The following RHBDD1 variants were observed in gnomAD, a reference collection of about 807,000 sequenced individuals.
RHBDD1 encodes the protein rhomboid domain containing 1.
Under a neutral mutation model 36.3 loss-of-function variants are expected in RHBDD1, and 38 were observed. That is an observed-to-expected ratio of 1.05 (90% confidence interval 0.81 to 1.37). RHBDD1 has a LOEUF of 1.37. Among genes scored for constraint, RHBDD1 ranks in the 40% most tolerant of loss-of-function variants. The probability of loss-of-function intolerance (pLI) is 0.00; values close to 1 mark genes in which losing one functional copy is unlikely to be tolerated. For synonymous variants in RHBDD1, 151 were observed against 136.5 expected (o/e 1.11, Z -0.74); for missense variants, 393 against 377.6 (o/e 1.04, Z -0.34).
intron 8 of RHBDD1, among the ~76,000 whole-genome samples, chr2:226,982,781 A>AG (rs1956068643): frequency 6.6e-6 from 1 of 152,196 alleles, no homozygotes; most frequent in Non-Finnish European, 1.5e-5. Context: ...TCAAGCATTT[A>AG]TGATGCACCC....
chr2:226,859,055 A>G (rs1267181230), intron 3 of RHBDD1, among the ~76,000 whole-genome samples: 1 of 152,246 alleles, frequency 6.6e-6, no homozygotes, highest in African/African-American at 2.4e-5. Flanking sequence ...AAGTTGTTAC[A>G]ATTTCAGGAA....
At chr2:226,978,114 A>T (rs571900717) in intron 8 of RHBDD1, among the ~76,000 whole-genome samples, 1 of 152,314 alleles carries the variant, frequency 6.6e-6, no homozygotes, top group East Asian at 1.9e-4. Context: ...AAACAGGTCT[A>T]GGCCTTTTGC....
At chr2:226,818,881 T>A in the RHBDD1 span, among the ~76,000 whole-genome samples, 1 of 151,950 alleles carries the variant, frequency 6.6e-6, no homozygotes, top group African/African-American at 2.4e-5. Flanking sequence ...AAAAAACAGA[T>A]GACCTGAGAG....
intron 8 of RHBDD1, among the ~76,000 whole-genome samples, chr2:226,982,097 T>A (rs2149445912): frequency 6.6e-6 from 1 of 152,368 alleles, no homozygotes; most frequent in East Asian, 1.9e-4. Flanking sequence ...TTTTCTTTTC[T>A]TGCCCAGCAA....
chr2:226,937,667 C>T (rs1476962185), intron 8 of RHBDD1, among the ~76,000 whole-genome samples: 1 of 152,160 alleles, frequency 6.6e-6, no homozygotes, highest in African/African-American at 2.4e-5. Flanking sequence ...TCATTTATCT[C>T]TCACTTATAA....
intron 7 of RHBDD1, among the ~76,000 whole-genome samples, chr2:226,913,723 C>T (rs1404643344): frequency 2.0e-5 from 3 of 152,094 alleles, no homozygotes; most frequent in African/African-American, 7.2e-5. Flanking sequence ...GAGAAATTGG[C>T]TGCATCTTAA....
At chr2:226,983,633 A>G (rs1435228449) in intron 8 of RHBDD1, among the ~76,000 whole-genome samples, 1 of 150,264 alleles carries the variant, frequency 6.7e-6, no homozygotes, top group Admixed American at 6.6e-5. Flanking sequence ...TTTTTTCCTT[A>G]TTCCTTGAAT....
At chr2:226,895,817 T>G in intron 5 of RHBDD1, 1 of 985,316 alleles carries the variant, frequency 1.0e-6, no homozygotes, top group Non-Finnish European at 1.2e-6. Flanking sequence ...ACAGCAAAAC[T>G]ATTTAGGCTT....
intron 8 of RHBDD1, among the ~76,000 whole-genome samples, chr2:226,925,767 A>G (rs985337369): frequency 6.6e-6 from 1 of 152,204 alleles, no homozygotes; most frequent in African/African-American, 2.4e-5. Context: ...CATTCATTCA[A>G]AATAAAATTC....
chr2:226,841,908 C>T (rs1941677094), intron 3 of RHBDD1, among the ~76,000 whole-genome samples: 1 of 152,164 alleles, frequency 6.6e-6, no homozygotes, highest in African/African-American at 2.4e-5. Flanking sequence ...CTTATACTTC[C>T]ACCAACAGTG....
At chr2:226,804,225 G>GA in the RHBDD1 span, 1 of 152,018 alleles carries the variant, frequency 6.6e-6, no homozygotes, top group Non-Finnish European at 1.5e-5. Flanking sequence ...AGGTGTGATT[G>GA]AAAATGGAGA....
At chr2:226,929,210 C>G (rs1346480821) in intron 8 of RHBDD1, among the ~76,000 whole-genome samples, 2 of 151,988 alleles carry the variant, frequency 1.3e-5, no homozygotes, top group African/African-American at 4.8e-5. Flanking sequence ...AATAAAAATA[C>G]AGACAAATAT....
At chr2:226,907,731 A>C (rs543038861) in intron 6 of RHBDD1, among the ~76,000 whole-genome samples, 1 of 152,274 alleles carries the variant, frequency 6.6e-6, no homozygotes, top group African/African-American at 2.4e-5. Flanking sequence ...GGTCGTGTTC[A>C]CTTTTGGTTG....
chr2:226,800,888 G>T, the RHBDD1 span, among the ~76,000 whole-genome samples: 1 of 152,220 alleles, frequency 6.6e-6, no homozygotes, highest in Non-Finnish European at 1.5e-5. Flanking sequence ...CAGATCAGCA[G>T]CCTGGGTCTA....
At chr2:226,958,708 G>C (rs1424065436) in intron 8 of RHBDD1, among the ~76,000 whole-genome samples, 2 of 141,120 alleles carry the variant, frequency 1.4e-5, no homozygotes, top group Non-Finnish European at 3.0e-5. Flanking sequence ...TTTTCTGTGT[G>C]TGTGTGTGTG....
At chr2:226,981,048 C>G (rs772279632) in intron 8 of RHBDD1, among the ~76,000 whole-genome samples, 1 of 152,156 alleles carries the variant, frequency 6.6e-6, no homozygotes, top group Non-Finnish European at 1.5e-5. Flanking sequence ...CCTTGGCCTT[C>G]CTGAGGCTGG....
chr2:226,953,530 G>T (rs180895433), intron 8 of RHBDD1, among the ~76,000 whole-genome samples: 8 of 152,220 alleles, frequency 5.3e-5, no homozygotes, highest in African/African-American at 1.9e-4. Context: ...CAATCCCTGG[G>T]CTTATCCTGG....
intron 7 of RHBDD1, among the ~76,000 whole-genome samples, chr2:226,912,685 T>C (rs189000993): frequency 6.6e-6 from 1 of 152,276 alleles, no homozygotes; most frequent in Admixed American, 6.5e-5. Flanking sequence ...AGATTAGTGC[T>C]TACTTAGAGC....
intron 5 of RHBDD1, among the ~76,000 whole-genome samples, chr2:226,876,367 A>C (rs2125343144): frequency 6.6e-6 from 1 of 152,344 alleles, no homozygotes; most frequent in East Asian, 1.9e-4. Context: ...ACGGGAGAGC[A>C]GTTTCCAAGG....
Sources: gnomAD v4.1 joint callset for allele counts (sites outside exome capture counted in the v4.1 genomes callset) on GRCh38, gnomAD v4.1.1 for gene constraint, MANE v1.5 for transcripts, NCBI Gene and HGNC (gene_info 2026-07-23, HGNC 2026-07-21) for gene names.